TNPO1: variants seen among roughly 807,000 people sequenced by gnomAD.
The protein encoded by TNPO1 is transportin 1, also known as transportin-1.
A neutral mutation model predicts 119.5 loss-of-function variants in TNPO1; 8 were observed. The observed-to-expected ratio is 0.07, with a 90% CI of 0.04 to 0.12. The LOEUF (loss-of-function observed/expected upper bound fraction) is 0.12, where lower values mean the gene tolerates loss of function less well. TNPO1 is among the 10% of genes least tolerant of loss of function. TNPO1 has a pLI of 1.00. For missense variants in TNPO1, 576 were observed against 1,089.8 expected (o/e 0.53, Z 6.64); for synonymous variants, 362 against 363.0 (o/e 1.00, Z 0.03).
chr5:72,896,699 G>A (rs569607107), intron 19 of TNPO1, 143 bp downstream of exon 19: 481 of 575,352 alleles, frequency 8.4e-4, no homozygotes, highest in African/African-American at 3.5e-3. Flanking sequence ...GTGAAACCCC[G>A]TCTCTACTAA....
intron 7 of TNPO1, among the ~76,000 whole-genome samples, chr5:72,875,305 T>C (rs575007292): frequency 1.3e-5 from 2 of 152,328 alleles, no homozygotes; most frequent in East Asian, 1.9e-4. Flanking sequence ...GAATAGTCTT[T>C]TGTCTCTGCT....
chr5:72,847,965 CA>C (rs1745210254), intron 1 of TNPO1: 1 of 700,500 alleles, frequency 1.4e-6, no homozygotes, highest in African/African-American at 1.9e-5. Flanking sequence ...AGGTGTTTCG[CA>C]GGGGTTTTGA....
intron 1 of TNPO1, among the ~76,000 whole-genome samples, chr5:72,841,707 G>T (rs1744923959): frequency 1.3e-5 from 2 of 152,144 alleles, no homozygotes; most frequent in African/African-American, 4.8e-5. Flanking sequence ...TCAACGTTTT[G>T]ATTCATCATT....
chr5:72,822,126 G>A (rs1323253590), intron 1 of TNPO1, among the ~76,000 whole-genome samples: 1 of 152,102 alleles, frequency 6.6e-6, no homozygotes, highest in Non-Finnish European at 1.5e-5. Flanking sequence ...GATATGAAAC[G>A]AATCTAGAAG....
intron 1 of TNPO1, among the ~76,000 whole-genome samples, chr5:72,827,731 T>A (rs1012435123): frequency 7.2e-5 from 11 of 151,984 alleles, no homozygotes; most frequent in African/African-American, 2.7e-4. Context: ...CTGGGCAGCA[T>A]AGGGAGACCC....
chr5:72,911,427 CTTGAGGTTA>C lies in TNPO1; in HGVS notation c.*2758_*2766del, dbSNP rs1561372565. 1 of 152,302 alleles carries C rather than the reference CTTGAGGTTA, an allele frequency of 6.6e-6. No homozygotes were observed. The highest frequency in any genetic ancestry group is 1.5e-5 in the Non-Finnish European group (1 of 67,898). The allele number at this position is 152,302 out of a possible 1,614,324, so 9.4% of individuals were successfully genotyped here. ...TGGGATTCTTTGTGTATTTTTCCCC[CTTGAGGTTA>C]TTGTTTCTTCCTAATTTATATTTCA... On this transcript the variant is annotated 3_prime_UTR_variant, in exon 25 of 25. Transcript: ENST00000337273.
At chr5:72,875,447 C>G (rs575980557) in intron 7 of TNPO1, among the ~76,000 whole-genome samples, 168 bp from the exon 8 acceptor site, 1 of 152,194 alleles carries the variant, frequency 6.6e-6, no homozygotes, top group African/African-American at 2.4e-5. Context: ...AAATCATAAT[C>G]TTTGTCAGTT....
chr5:72,836,205 C>G (rs1266722846), intron 1 of TNPO1, among the ~76,000 whole-genome samples: 1 of 152,160 alleles, frequency 6.6e-6, no homozygotes, highest in Non-Finnish European at 1.5e-5. Flanking sequence ...TCCCCGCTAC[C>G]ACAGCTCCAC....
intron 9 of TNPO1, among the ~76,000 whole-genome samples, chr5:72,882,101 C>T (rs888842324): frequency 5.9e-5 from 9 of 152,164 alleles, no homozygotes; most frequent in African/African-American, 2.2e-4. Flanking sequence ...GGTTCTCCTG[C>T]AAAATACCTG....
intron 20 of TNPO1, among the ~76,000 whole-genome samples, chr5:72,898,001 AT>A (rs1749558849): frequency 6.6e-6 from 1 of 152,088 alleles, no homozygotes; most frequent in African/African-American, 2.4e-5. Context: ...AAAATTGATA[AT>A]GTTTATTGGT....
chr5:72,856,848 A>C (rs1029309299), intron 4 of TNPO1, among the ~76,000 whole-genome samples: 1 of 152,214 alleles, frequency 6.6e-6, no homozygotes, highest in Non-Finnish European at 1.5e-5. Context: ...ATTGGTTAAC[A>C]CAATTTGCCA....
chr5:72,862,545 C>G (rs1007830699), intron 5 of TNPO1: 1 of 152,296 alleles, frequency 6.6e-6, no homozygotes, highest in African/African-American at 2.4e-5. Context: ...CAGGCTGACC[C>G]TGAACTCCTG....
At chr5:72,856,247 T>G (rs974476141) in intron 4 of TNPO1, among the ~76,000 whole-genome samples, 60 of 150,396 alleles carry the variant, frequency 4.0e-4, no homozygotes, top group African/African-American at 1.4e-3. Flanking sequence ...TGTTTTTTTG[T>G]TTTTTTTTGA....
chr5:72,821,932 A>G (rs1052011100), intron 1 of TNPO1, among the ~76,000 whole-genome samples: 6 of 152,192 alleles, frequency 3.9e-5, no homozygotes, highest in Admixed American at 6.5e-5. Context: ...CCAGGTAGCA[A>G]ATATTTTCTG....
intron 6 of TNPO1, among the ~76,000 whole-genome samples, chr5:72,872,340 A>G (rs1196981866): frequency 6.6e-6 from 1 of 152,206 alleles, no homozygotes; most frequent in Non-Finnish European, 1.5e-5. Flanking sequence ...TCTAAAAAAA[A>G]AAATTTTGCC....
At chr5:72,884,062 A>G (rs1748448367) in intron 11 of TNPO1, among the ~76,000 whole-genome samples, 1 of 152,064 alleles carries the variant, frequency 6.6e-6, no homozygotes, top group Non-Finnish European at 1.5e-5. Flanking sequence ...ATGTGTATTC[A>G]GTTCTCTTGG....
chr5:72,909,750 T>C lies in TNPO1; in HGVS notation c.*1077T>C, dbSNP rs1380391632. 3 of 152,634 alleles carry C rather than the reference T, an allele frequency of 2.0e-5. No individual in the cohort carries two copies. Among genetic ancestry groups the C allele is most frequent in the Non-Finnish European group, 2.9e-5 (2 of 68,034 alleles). 9.5% of individuals were successfully genotyped at this position (152,634 alleles called of 1,614,324 possible). Reference sequence around the variant, plus strand: ...TTATTAAGAACATAGATATATAAAGTACTGTAGTTTACAGGTAGGCCTTGA... The same window carrying C: ...TTATTAAGAACATAGATATATAAAGCACTGTAGTTTACAGGTAGGCCTTGA... On this transcript the variant is annotated 3_prime_UTR_variant, in exon 25 of 25. Transcript: ENST00000337273.
intron 7 of TNPO1, among the ~76,000 whole-genome samples, chr5:72,874,994 C>A (rs1249343197): frequency 3.3e-5 from 5 of 151,830 alleles, no homozygotes; most frequent in African/African-American, 1.2e-4. Context: ...AGATTCAGAT[C>A]TTCTGCTGGT....
chr5:72,901,719 G>A (rs374838758), intron 22 of TNPO1, among the ~76,000 whole-genome samples: 4 of 152,306 alleles, frequency 2.6e-5, no homozygotes, highest in East Asian at 1.9e-4. Flanking sequence ...AATGCTAACT[G>A]TGGGACTCTA....
Sources: allele counts gnomAD v4.1 joint callset (sites outside exome capture counted in the v4.1 genomes callset), GRCh38; gene constraint gnomAD v4.1.1; transcripts MANE v1.5; gene names NCBI Gene and HGNC (gene_info 2026-07-23, HGNC 2026-07-21).